The following LAMA4 variants were observed in gnomAD, a reference collection of about 807,000 sequenced individuals.
LAMA4 encodes laminin subunit alpha-4.
In LAMA4, 127 loss-of-function variants were observed where a neutral mutation model predicts 207.1. The ratio of observed to expected loss-of-function variants is 0.61; its 90% CI spans 0.53 to 0.71. The LOEUF is 0.71. Ranked by LOEUF, LAMA4 falls within the 30% of genes least tolerant of loss-of-function variation. The probability of loss-of-function intolerance (pLI) is 0.00; values close to 1 mark genes in which losing one functional copy is unlikely to be tolerated. For synonymous variants in LAMA4, 761 were observed against 816.0 expected, an observed-to-expected ratio of 0.93 and a Z score of 1.15; for missense variants, 2,093 against 2,246.5, an observed-to-expected ratio of 0.93 and a Z score of 1.38.
chr6:112,135,711 A>C (rs1554331332), intron 25 of LAMA4: 1 of 167,092 alleles, frequency 6.0e-6, no homozygotes, highest in African/African-American at 2.4e-5. Context: ...GTTTAAAAGG[A>C]AATTCTGTAT....
intron 3 of LAMA4, among the ~76,000 whole-genome samples, chr6:112,211,646 T>C (rs1171934048): frequency 2.0e-5 from 3 of 152,158 alleles, no homozygotes; most frequent in Non-Finnish European, 4.4e-5. Flanking sequence ...AAAGGCAGCT[T>C]TTAGCTCTTC....
chr6:112,172,637 T>G lies in LAMA4; in HGVS notation c.1525A>C (p.Thr509Pro), dbSNP rs951225457. The G allele has an allele frequency of 3.1e-6, 5 of 1,612,986 alleles. No individual in the cohort carries two copies. Among genetic ancestry groups the G allele is most frequent in the Non-Finnish European group, 4.2e-6 (5 of 1,180,022 alleles). The change falls in exon 12 of 39, where the codon ACA (threonine) becomes CCA (proline). Residue 509 changes from threonine to proline, a missense_variant. This residue lies in a region of LAMA4 where 1,704 missense variants were observed against 1,788.4 expected (regional missense o/e 0.95). Coordinates refer to ENST00000230538, the MANE Select transcript of LAMA4 (RefSeq NM_001105206.3). ...VRDAEDMNRATAARQRDHEKQ... is the reference protein window; with the variant it reads ...VRDAEDMNRAPAARQRDHEKQ... ...TCATGGTCCCGCTGCCTGGCTGCTG[T>G]GGCCCTGTTCATGTCTTCGGCATCC... is the stretch of plus-strand genomic sequence containing the variant.
intron 6 of LAMA4, among the ~76,000 whole-genome samples, chr6:112,190,877 TTCTTTCTTTCTTTC>T (rs1328560909): frequency 4.7e-5 from 2 of 42,182 alleles, no homozygotes; most frequent in African/African-American, 1.8e-4. Context: ...TTCTTTTTCT[TTCTTTCTTTCTTTC>T]TTTCTTTCTT....
chr6:112,190,919 CT>C (rs1172516946), intron 6 of LAMA4, among the ~76,000 whole-genome samples: 2 of 99,418 alleles, frequency 2.0e-5, no homozygotes, highest in African/African-American at 7.6e-5. Context: ...TTCTTTCTTT[CT>C]TTCTTTCTTT....
intron 2 of LAMA4, among the ~76,000 whole-genome samples, chr6:112,229,607 G>T (rs567537393): frequency 6.6e-6 from 1 of 152,302 alleles, no homozygotes; most frequent in East Asian, 1.9e-4. Context: ...ATGGACATAA[G>T]TGCTTCTTAC....
chr6:112,177,544 T>G (rs781897176), intron 10 of LAMA4, among the ~76,000 whole-genome samples: 1 of 152,222 alleles, frequency 6.6e-6, no homozygotes, highest in Non-Finnish European at 1.5e-5. Flanking sequence ...TTATCCTGCA[T>G]GTATTGCAAG....
chr6:112,202,379 G>A (rs1487627276), intron 4 of LAMA4, among the ~76,000 whole-genome samples: 1 of 152,092 alleles, frequency 6.6e-6, no homozygotes, highest in Non-Finnish European at 1.5e-5. Context: ...CAAGGGAAAT[G>A]GGGTTATGGT....
intron 2 of LAMA4, chr6:112,217,675 G>C (rs139581467): frequency 7.2e-5 from 11 of 152,098 alleles, no homozygotes; most frequent in African/African-American, 2.2e-4. Flanking sequence ...AACCCCATTT[G>C]GAGGAAGTTT....
chr6:112,248,199 C>G (rs1160665509), intron 2 of LAMA4, among the ~76,000 whole-genome samples: 1 of 152,068 alleles, frequency 6.6e-6, no homozygotes, highest in Non-Finnish European at 1.5e-5. Flanking sequence ...CTGAACTGTG[C>G]CCTTAAAAAT....
chr6:112,141,238 C>A, intron 21 of LAMA4, 120 bp downstream of exon 21: 1 of 1,010,184 alleles, frequency 9.9e-7, no homozygotes, highest in South Asian at 1.3e-5. Context: ...GAGGAAAATG[C>A]TATTTATAAC....
rs181977063 is a variant in LAMA4, at chr6:112,218,246, T to C, written c.196-1777A>G. 7.2e-5 allele frequency: 11 copies of C among 152,330 alleles called. No individual in the cohort carries two copies. The East Asian group carries it at 2.1e-3, about 29-fold the overall frequency. 9.4% of individuals were successfully genotyped at this position (152,330 alleles called of 1,614,324 possible). On this transcript the variant is annotated intron_variant, in intron 2 of 38. Coordinates refer to ENST00000230538, the MANE Select transcript of LAMA4 (RefSeq NM_001105206.3). ...AATGGTGGTTTCTGAGCTCTCTAAA[T>C]GACCATATTACAGTCTTCTGGGGAG...
In LAMA4 at chr6:112,139,245, C is replaced by T. The variant is rs1315140351; in HGVS notation, c.3157G>A (p.Asp1053Asn). 5 of 1,614,016 alleles carry T rather than the reference C, an allele frequency of 3.1e-6. No homozygotes were observed. Among genetic ancestry groups the T allele is most frequent in the East Asian group, 2.2e-5 (1 of 44,880 alleles). ...CTCACCACGGCATAACCGGAGCCAT[C>T]GAAGAAGTAACTGGCAGCCCGACTC... ...TQSRAASYFF[D>N]GSGYAVVRDI... The change falls in exon 24 of 39, where the codon GAT becomes AAT. Residue 1053 changes from aspartate to asparagine, a missense_variant. Coordinates refer to ENST00000230538, the MANE Select transcript of LAMA4 (RefSeq NM_001105206.3).
chr6:112,242,961 C>A (rs1786627552), intron 2 of LAMA4, among the ~76,000 whole-genome samples: 1 of 152,196 alleles, frequency 6.6e-6, no homozygotes, highest in South Asian at 2.1e-4. Flanking sequence ...TGGCACTGAA[C>A]TGTTATGTGT....
In LAMA4 at chr6:112,133,428, T is replaced by A. The variant is rs1779158150; in HGVS notation, c.3617A>T (p.Gln1206Leu). ...TAAATTGAAGTCCTTCTTTTGGAAC[T>A]GGAAGCCCTTCATGCATCCTCTGAA... is the stretch of plus-strand genomic sequence containing the variant. ...INFRGCMKGF[Q>L]FQKKDFNLLE... Residue 1206 changes from glutamine to leucine, a missense_variant, in exon 27 of 39, where the codon CAG becomes CTG. Transcript: ENST00000230538. The A allele has an allele frequency of 6.2e-7, 1 of 1,613,826 alleles. No homozygotes were observed. The highest frequency in any genetic ancestry group is 8.5e-7 in the Non-Finnish European group (1 of 1,179,786).
Position 112,109,553 on chromosome 6 carries a change from T to C in LAMA4, c.5356A>G (p.Ser1786Gly). The change falls in exon 39 of 39, where the codon AGC (serine) becomes GGC (glycine). Residue 1786 changes from serine to glycine, a missense_variant. Ser to Gly is a moderately conservative substitution (Grantham distance 56, BLOSUM62 0). Around this residue, in one of 3 missense-constraint regions of LAMA4, gnomAD observed 383 missense variants for 437.8 expected, o/e 0.87. Coordinates refer to ENST00000230538, the MANE Select transcript of LAMA4 (RefSeq NM_001105206.3). The part of the protein sequence containing the change: ...ESLLTPRLAP[S>G]KPFTGCIRHF... ...CGTATGCAGCCTGTGAAGGGTTTGC[T>C]GGGGGCCAAGCGTGGTGTCAGTAGA... 6.2e-7 allele frequency: 1 copy of C among 1,614,076 alleles called. No individual in the cohort carries two copies. Among genetic ancestry groups the C allele is most frequent in the Middle Eastern group, 1.6e-4 (1 of 6,062 alleles).
At chr6:112,208,022 A>G (rs1784162562) in intron 3 of LAMA4, among the ~76,000 whole-genome samples, 1 of 152,190 alleles carries the variant, frequency 6.6e-6, no homozygotes, top group African/African-American at 2.4e-5. Context: ...ATTAATTTCT[A>G]TAAGGGGCAG....
chr6:112,249,441 CAAAAAAAA>C (rs71762704), intron 2 of LAMA4, among the ~76,000 whole-genome samples: 1,222 of 52,758 alleles, frequency 0.023, 78 homozygotes, highest in Admixed American at 0.19. Flanking sequence ...GACTCTGTTT[CAAAAAAAA>C]AAAAAAAAAA....
chr6:112,177,782 A>G (rs1554344279), intron 10 of LAMA4, among the ~76,000 whole-genome samples: 1 of 152,218 alleles, frequency 6.6e-6, no homozygotes, highest in Non-Finnish European at 1.5e-5. Flanking sequence ...TCTGCAAATA[A>G]CTGAGAAAAA....
chr6:112,166,350 T>A (rs1781381467), intron 12 of LAMA4: 1 of 152,216 alleles, frequency 6.6e-6, no homozygotes, highest in Admixed American at 6.5e-5. Context: ...TCCCTGAATA[T>A]CCATCAAGCC....
Sources: allele counts gnomAD v4.1 joint callset (sites outside exome capture counted in the v4.1 genomes callset), GRCh38; gene constraint gnomAD v4.1.1; regional missense constraint gnomAD v4.1.1; transcripts MANE v1.5; gene names NCBI Gene and HGNC (gene_info 2026-07-23, HGNC 2026-07-21).